Variants in GPHN observed in about 807,000 individuals in gnomAD.
The protein encoded by GPHN is gephyrin.
Under a neutral mutation model 95.5 loss-of-function variants are expected in GPHN, and 17 were observed. That is an observed-to-expected ratio of 0.18 (90% confidence interval 0.12 to 0.27). The LOEUF is 0.27. Among genes scored for constraint, GPHN ranks in the 10% least tolerant of loss-of-function variants. The pLI, the probability that GPHN is intolerant of heterozygous loss-of-function variation, is 1.00. For missense variants in GPHN, 660 were observed against 978.1 expected (o/e 0.67, Z 4.34); for synonymous variants, 320 against 322.5 (o/e 0.99, Z 0.08).
the GPHN span, among the ~76,000 whole-genome samples, chr14:67,269,484 C>G: frequency 6.6e-6 from 1 of 152,050 alleles, no homozygotes; most frequent in African/African-American, 2.4e-5. Context: ...ATTTGACATT[C>G]CTAACAGCAC....
the GPHN span, among the ~76,000 whole-genome samples, chr14:67,186,944 C>CG: frequency 5.9e-5 from 9 of 152,026 alleles, no homozygotes; most frequent in Admixed American, 4.6e-4. Flanking sequence ...TTCTGAAAAA[C>CG]GAAAATAAGC....
At chr14:66,530,214 G>A (rs1251046675) in intron 1 of GPHN, among the ~76,000 whole-genome samples, 1 of 152,146 alleles carries the variant, frequency 6.6e-6, no homozygotes, top group Non-Finnish European at 1.5e-5. Flanking sequence ...GGTTCCGACG[G>A]GTTGGAACTT....
At chr14:66,766,411 A>C (rs1201617022) in intron 2 of GPHN, among the ~76,000 whole-genome samples, 1 of 152,150 alleles carries the variant, frequency 6.6e-6, no homozygotes, top group Non-Finnish European at 1.5e-5. Context: ...ATACTGAAAA[A>C]AAGAGAAAAA....
chr14:67,010,553 GAAAA>G (rs529841338), intron 9 of GPHN, among the ~76,000 whole-genome samples: 4 of 48,016 alleles, frequency 8.3e-5, no homozygotes, highest in South Asian at 6.5e-4. Flanking sequence ...CTCTGTCTCA[GAAAA>G]AAAAAAAAAA....
chr14:67,615,554 C>T, the GPHN span: 4 of 487,112 alleles, frequency 8.2e-6, no homozygotes, highest in African/African-American at 1.9e-5. Flanking sequence ...CAAACTTGTC[C>T]GGAGGAGCGT....
At chr14:66,715,883 T>C (rs2070129127) in intron 2 of GPHN, among the ~76,000 whole-genome samples, 3 of 152,048 alleles carry the variant, frequency 2.0e-5, no homozygotes, top group African/African-American at 7.2e-5. Context: ...GTATTGAGGC[T>C]TGTTGTTTTG....
intron 3 of GPHN, among the ~76,000 whole-genome samples, chr14:66,776,734 G>T (rs2059395078): frequency 6.6e-6 from 1 of 152,028 alleles, no homozygotes; most frequent in Non-Finnish European, 1.5e-5. Flanking sequence ...AATATTAGGA[G>T]AATCGAAAAG....
chr14:67,200,012 G>A, the GPHN span: 7 of 983,034 alleles, frequency 7.1e-6, no homozygotes, highest in Non-Finnish European at 1.1e-5. Flanking sequence ...GGACCTCATG[G>A]TTTAGGACAT....
intron 5 of GPHN, among the ~76,000 whole-genome samples, chr14:66,891,330 C>A (rs577862612): frequency 1.3e-5 from 2 of 151,948 alleles, no homozygotes; most frequent in South Asian, 4.2e-4. Context: ...GAAACAAGAG[C>A]CCAGAAATAA....
At chr14:67,721,738 GATATATATATATAT>G in the GPHN span, among the ~76,000 whole-genome samples, 43 of 147,036 alleles carry the variant, frequency 2.9e-4, no homozygotes, top group African/African-American at 9.5e-4. Context: ...AACAAGTGGG[GATATATATATATAT>G]ATATATATAT....
intron 17 of GPHN, among the ~76,000 whole-genome samples, chr14:67,125,327 T>C (rs2079235363): frequency 6.6e-6 from 1 of 152,184 alleles, no homozygotes; most frequent in Non-Finnish European, 1.5e-5. Context: ...CTGTGAAGGC[T>C]ACCCTCCTTC....
intron 16 of GPHN, 40 bp downstream of exon 16, chr14:67,113,211 A>T (rs200208247): frequency 1.9e-6 from 3 of 1,546,152 alleles, no homozygotes; most frequent in African/African-American, 1.4e-5. Context: ...GAGAGGGCCC[A>T]TAAGATAAAG....
intron 4 of GPHN, among the ~76,000 whole-genome samples, chr14:66,829,070 T>C (rs2061485848): frequency 1.3e-5 from 2 of 149,046 alleles, no homozygotes; most frequent in Non-Finnish European, 3.0e-5. Context: ...TTTTTAATAA[T>C]AGATTGCTTG....
chr14:66,542,503 C>A (rs1453471562), intron 1 of GPHN, among the ~76,000 whole-genome samples: 1 of 152,248 alleles, frequency 6.6e-6, no homozygotes, highest in South Asian at 2.1e-4. Flanking sequence ...TATCTTTCTA[C>A]CCATTATTCT....
chr14:67,533,642 T>C, the GPHN span: 27,303 of 151,988 alleles, frequency 0.18, 2,585 homozygotes, highest in Admixed American at 0.19. Flanking sequence ...GTACCTGGAC[T>C]TGGGGATCGG....
chr14:67,645,384 C>T, the GPHN span, among the ~76,000 whole-genome samples: 4 of 152,186 alleles, frequency 2.6e-5, no homozygotes, highest in South Asian at 2.1e-4. Context: ...TAAAATTATA[C>T]GGATTTGGGG....
intron 16 of GPHN, among the ~76,000 whole-genome samples, chr14:67,117,337 G>C (rs2078750384): frequency 6.6e-6 from 1 of 152,136 alleles, no homozygotes; most frequent in Non-Finnish European, 1.5e-5. Context: ...ACTTCAAAAT[G>C]ACCACTGCAA....
chr14:66,890,236 A>G lies in GPHN; in HGVS notation c.389+10203A>G, dbSNP rs112149398. Among the ~76,000 whole-genome samples, 470 of 151,828 alleles carry G rather than the reference A, an allele frequency of 3.1e-3. 10 individuals are homozygous for G. Among genetic ancestry groups the G allele is most frequent in the African/African-American group, 0.011 (445 of 41,438 alleles). On this transcript the variant is annotated intron_variant, in intron 5 of 22. Coordinates refer to ENST00000478722, the MANE Select transcript of GPHN (RefSeq NM_020806.5). ...AGCCTGGGCAACATGGCAAAACCCT[A>G]TCTCTACTAAAAATTCAAAAAATTA...
intron 4 of GPHN, among the ~76,000 whole-genome samples, chr14:66,830,786 G>A (rs930054867): frequency 2.6e-5 from 4 of 151,978 alleles, no homozygotes; most frequent in African/African-American, 4.8e-5. Context: ...TTGCTTTGGG[G>A]CAGATTAATA....
Sources: allele counts gnomAD v4.1 joint callset (sites outside exome capture counted in the v4.1 genomes callset), GRCh38; gene constraint gnomAD v4.1.1; transcripts MANE v1.5; gene names NCBI Gene and HGNC (gene_info 2026-07-23, HGNC 2026-07-21).